IGSF9: variants seen among roughly 807,000 people sequenced by gnomAD.
IGSF9 encodes the protein protein turtle homolog A.
In IGSF9, 87 loss-of-function variants were observed where a neutral mutation model predicts 121.7. The ratio of observed to expected loss-of-function variants is 0.71; its 90% confidence interval spans 0.60 to 0.85. The LOEUF (loss-of-function observed/expected upper bound fraction) is 0.85. Ranked by LOEUF, IGSF9 falls within the 40% of genes least tolerant of loss-of-function variation. The pLI is 0.00. For synonymous variants in IGSF9, 640 were observed against 648.4 expected (o/e 0.99, Z 0.20); for missense variants, 1,462 against 1,565.3 (o/e 0.93, Z 1.11).
rs74630501 is a variant in IGSF9, at chr1:159,931,392, C to T, written c.1513+61G>A. ...CCACACCCATGATCCTCTTTCTGGG[C>T]CTCCAAAAACGATTCCCAAGTAGTT... On this transcript the variant is annotated intron_variant, in intron 12 of 20. Transcript: ENST00000368094. The surrounding 1 kb of genome is among the most constrained non-coding windows in gnomAD (Gnocchi z 4.8). 2.3e-5 allele frequency: 37 copies of T among 1,597,286 alleles called. No homozygotes were observed. In the East Asian group the frequency reaches 7.6e-4, roughly 33 times the overall value.
In IGSF9 at chr1:159,936,753, C is replaced by T; in HGVS notation, c.555+1G>A. 1 of 1,614,138 alleles carries T rather than the reference C, an allele frequency of 6.2e-7. No homozygotes were observed. Among genetic ancestry groups the T allele is most frequent in the Non-Finnish European group, 8.5e-7 (1 of 1,179,984 alleles). ...TCACTCTGTCCACCCCCAGGACTCA[C>T]TTGCACCTGGCCCTGGCCCTGGCCA... On this transcript the variant is annotated splice_donor_variant, in intron 5 of 20. Coordinates refer to ENST00000368094, the MANE Select transcript of IGSF9 (RefSeq NM_001135050.2). LOFTEE classifies it high-confidence loss of function.
intron 6 of IGSF9, among the ~76,000 whole-genome samples, chr1:159,935,826 C>T (rs1651163381): frequency 6.6e-6 from 1 of 152,236 alleles, no homozygotes; most frequent in Admixed American, 6.5e-5. Flanking sequence ...TCATATTAGG[C>T]TTCCTGATGC....
At chr1:159,927,922 T>C (rs1041592681) in intron 19 of IGSF9, 35 bp from the exon 20 acceptor site, 2 of 1,597,944 alleles carry the variant, frequency 1.3e-6, no homozygotes, top group Admixed American at 3.5e-5. Flanking sequence ...ACATATGGTG[T>C]GGGTGGAGGA....
At position 159,927,881 on chromosome 1, in the gene IGSF9, G is replaced by T; in HGVS notation, c.3237C>A (p.Asn1079Lys). The change falls in exon 20 of 21, where the codon AAC (asparagine) becomes AAA (lysine). Residue 1079 changes from asparagine to lysine, a missense_variant. Physicochemically the swap from Asn to Lys is moderately conservative, Grantham distance 94. This residue lies in a region of IGSF9 where 808 missense variants were observed against 815.2 expected (regional missense o/e 0.99). Transcript: ENST00000368094. Reference sequence around the variant, plus strand: ...ACTCATAGTTCTCGTCCACAGATGTGTTCCTCCTGTAAAAAAAAAAAAAAA... The same window carrying T: ...ACTCATAGTTCTCGTCCACAGATGTTTTCCTCCTGTAAAAAAAAAAAAAAA... ...EHVVTVSKRR[N>K]TSVDENYEWD... 6.4e-7 allele frequency: 1 copy of T among 1,550,700 alleles called. No individual in the cohort carries two copies. The highest frequency in any genetic ancestry group is 1.1e-5 in the South Asian group (1 of 87,272).
chr1:159,928,840 C>T lies in IGSF9; in HGVS notation c.2548G>A (p.Asp850Asn), dbSNP rs1165931283. The change falls in exon 19 of 21, where the codon GAC (aspartate) becomes AAC (asparagine). Residue 850 changes from aspartate (D) to asparagine (N), a missense_variant. This residue lies in a region of IGSF9 where 808 missense variants were observed against 815.2 expected (regional missense o/e 0.99). Transcript: ENST00000368094. Reference sequence around the variant, plus strand: ...GTGGGCCCCATCACAAAGCGCCCGTCTGGGCCCCGGCAAATGGGCTCCAGA... The same window carrying T: ...GTGGGCCCCATCACAAAGCGCCCGTTTGGGCCCCGGCAAATGGGCTCCAGA... ...LPLEPICRGP[D>N]GRFVMGPTVA... 1 of 1,557,814 alleles carries T rather than the reference C, an allele frequency of 6.4e-7. No individual in the cohort carries two copies. The highest frequency in any genetic ancestry group is 8.7e-7 in the Non-Finnish European group (1 of 1,154,248).
chr1:159,934,131 C>A, intron 9 of IGSF9, 59 bp downstream of exon 9: 1 of 1,557,794 alleles, frequency 6.4e-7, no homozygotes. Context: ...CTCCACCCTG[C>A]TGTCCTGAGC....
chr1:159,944,924 C>A (rs753086555), intron 1 of IGSF9, among the ~76,000 whole-genome samples: 1 of 152,090 alleles, frequency 6.6e-6, no homozygotes, highest in African/African-American at 2.4e-5. Context: ...TATATAGGAA[C>A]CCCCTAGTTC....
chr1:159,940,554 A>G (rs1651342230), intron 3 of IGSF9, among the ~76,000 whole-genome samples: 1 of 152,224 alleles, frequency 6.6e-6, no homozygotes, highest in Non-Finnish European at 1.5e-5. Flanking sequence ...CTCGGAAGGC[A>G]GGGAACCCAC....
At chr1:159,941,379 C>A (rs928694315) in intron 3 of IGSF9, among the ~76,000 whole-genome samples, 4 of 152,242 alleles carry the variant, frequency 2.6e-5, no homozygotes, top group African/African-American at 9.6e-5. Context: ...GGTTAATGGG[C>A]TCAGGGGCCT....
At chr1:159,933,555 C>T (rs185232305) in intron 9 of IGSF9, 1 of 153,256 alleles carries the variant, frequency 6.5e-6, no homozygotes, top group East Asian at 1.9e-4. Context: ...CCATTCATGT[C>T]CCTGCAGGCA....
chr1:159,930,495 C>A, intron 14 of IGSF9, 56 bp from the exon 15 acceptor site: 1 of 1,518,004 alleles, frequency 6.6e-7, no homozygotes, highest in Non-Finnish European at 8.8e-7. Flanking sequence ...CCTCCCCTGG[C>A]CTTCCACAAC....
intron 2 of IGSF9, 46 bp downstream of exon 2, chr1:159,943,351 A>C (rs1651468256): frequency 6.7e-7 from 1 of 1,494,752 alleles, no homozygotes; most frequent in South Asian, 1.3e-5. Flanking sequence ...CCCCATACCC[A>C]CCCCAAGGCT....
At chr1:159,934,358 G>C in intron 8 of IGSF9, 26 bp from the exon 9 acceptor site, 1 of 1,573,578 alleles carries the variant, frequency 6.4e-7, no homozygotes, top group Non-Finnish European at 8.6e-7. Context: ...GGCAAGTTGG[G>C]GGAGAGGGGC....
chr1:159,929,537 C>G, intron 17 of IGSF9, 101 bp downstream of exon 17: 1 of 1,486,028 alleles, frequency 6.7e-7, no homozygotes, highest in South Asian at 1.3e-5. Context: ...AGAGAATGCA[C>G]CTGGATCACA....
intron 17 of IGSF9, 64 bp downstream of exon 17, chr1:159,929,574 A>T: frequency 6.5e-7 from 1 of 1,529,482 alleles, no homozygotes. Context: ...TCCCCCAGGT[A>T]GGAGGGGCTT....
chr1:159,928,062 G>A, intron 19 of IGSF9, 96 bp downstream of exon 19: 3 of 1,503,636 alleles, frequency 2.0e-6, no homozygotes, highest in Non-Finnish European at 2.7e-6. Context: ...TCCCAGGGTG[G>A]GAGTGGAGCA....
intron 9 of IGSF9, chr1:159,933,676 C>T: frequency 6.0e-6 from 1 of 167,106 alleles, no homozygotes; most frequent in South Asian, 1.4e-4. Context: ...CTTTGAGGCC[C>T]ATCACCAAAG....
rs1298117820 is a variant in IGSF9, at chr1:159,930,451, A to C, written c.1814-12T>G. ...CGTGGTAGGAAGCCCTGCGTGGGACAGAAAGGCAGGTCAGAGCAAGGATTC... is the reference window on the plus strand; with the variant it reads ...CGTGGTAGGAAGCCCTGCGTGGGACCGAAAGGCAGGTCAGAGCAAGGATTC... On this transcript the variant is annotated splice_polypyrimidine_tract_variant and intron_variant, in intron 14 of 20. Coordinates refer to ENST00000368094, the MANE Select transcript of IGSF9 (RefSeq NM_001135050.2). The C allele has an allele frequency of 6.6e-7, 1 of 1,526,032 alleles. No homozygotes were observed. Among genetic ancestry groups the C allele is most frequent in the Non-Finnish European group, 8.8e-7 (1 of 1,139,522 alleles). The allele number at this position is 1,526,032 out of a possible 1,614,324, so 94.5% of individuals were successfully genotyped here. A position where few individuals can be genotyped will look rare whatever the true frequency, so the allele number is the denominator to read the frequency against.
chr1:159,929,349 A>C lies in IGSF9; in HGVS notation c.2369+2T>G. 6.2e-7 allele frequency: 1 copy of C among 1,614,074 alleles called. No homozygotes were observed. The highest frequency in any genetic ancestry group is 8.5e-7 in the Non-Finnish European group (1 of 1,179,908). ...GAAAGCCAAGGAGGTGGAGGCACTT[A>C]CGGTGCAGCTGACTTCCCGGTCGGA... On this transcript the variant is annotated splice_donor_variant, in intron 18 of 20. Coordinates refer to ENST00000368094, the MANE Select transcript of IGSF9 (RefSeq NM_001135050.2). LOFTEE classifies it high-confidence loss of function.
Sources: allele counts gnomAD v4.1 joint callset (sites outside exome capture counted in the v4.1 genomes callset), GRCh38; gene constraint gnomAD v4.1.1; regional missense constraint gnomAD v4.1.1; non-coding constraint Gnocchi (gnomAD v3.1); transcripts MANE v1.5; gene names NCBI Gene and HGNC (gene_info 2026-07-23, HGNC 2026-07-21).